Variants in FAM53B observed in about 807,000 individuals in gnomAD.
FAM53B encodes the protein family with sequence similarity 53 member B.
A neutral mutation model predicts 32.7 loss-of-function variants in FAM53B; 12 were observed. That is an observed-to-expected ratio of 0.37 (90% CI 0.24 to 0.59). FAM53B has a LOEUF of 0.59. Among genes scored for constraint, FAM53B ranks in the 20% least tolerant of loss-of-function variants. The pLI is 0.72. For missense variants in FAM53B, 477 were observed against 577.7 expected, an observed-to-expected ratio of 0.83 and a Z score of 1.79; for synonymous variants, 234 against 228.7, an observed-to-expected ratio of 1.02 and a Z score of -0.21.
At chr10:124,640,702 G>C (rs1055433092) in intron 4 of FAM53B, among the ~76,000 whole-genome samples, 4 of 152,218 alleles carry the variant, frequency 2.6e-5, no homozygotes, top group African/African-American at 9.6e-5. Flanking sequence ...TCAACCTTGG[G>C]AGGGGGCGCT....
chr10:124,668,221 T>G (rs1296735964), intron 4 of FAM53B, among the ~76,000 whole-genome samples: 1 of 152,280 alleles, frequency 6.6e-6, no homozygotes, highest in African/African-American at 2.4e-5. Flanking sequence ...CAGTTAATGC[T>G]GCATAATCAG....
At chr10:124,709,774 A>G (rs907331347) in intron 1 of FAM53B, among the ~76,000 whole-genome samples, 10 of 152,096 alleles carry the variant, frequency 6.6e-5, no homozygotes, top group Admixed American at 5.2e-4. Context: ...GAAATCCTAT[A>G]AAGTGACAAA....
intron 4 of FAM53B, among the ~76,000 whole-genome samples, chr10:124,675,547 C>G (rs1949731711): frequency 1.3e-5 from 2 of 152,250 alleles, no homozygotes; most frequent in Non-Finnish European, 2.9e-5. Context: ...ATGATTCCTC[C>G]CACACTCATG....
intron 4 of FAM53B, among the ~76,000 whole-genome samples, chr10:124,655,969 C>G (rs1949586899): frequency 6.6e-6 from 1 of 152,244 alleles, no homozygotes. Flanking sequence ...AGGTACGTAC[C>G]AAACAGAACT....
intron 4 of FAM53B, among the ~76,000 whole-genome samples, chr10:124,674,270 C>T (rs1420498169): frequency 1.3e-5 from 2 of 152,188 alleles, no homozygotes; most frequent in Non-Finnish European, 2.9e-5. Flanking sequence ...GGATGAGCAG[C>T]AGGCCCCTCC....
At chr10:124,689,768 A>G (rs1564878609) in intron 3 of FAM53B, among the ~76,000 whole-genome samples, 1 of 152,256 alleles carries the variant, frequency 6.6e-6, no homozygotes, top group Non-Finnish European at 1.5e-5. Context: ...CTTTGCTCTT[A>G]CAAAAAGATG....
At chr10:124,657,837 A>T (rs538738169) in intron 4 of FAM53B, among the ~76,000 whole-genome samples, 21 of 152,324 alleles carry the variant, frequency 1.4e-4, no homozygotes, top group Admixed American at 3.3e-4. Context: ...AGAGAAATCC[A>T]ATGACTTGCT....
intron 4 of FAM53B, among the ~76,000 whole-genome samples, chr10:124,674,162 C>T (rs1255060092): frequency 2.0e-5 from 3 of 152,352 alleles, no homozygotes; most frequent in African/African-American, 7.2e-5. Context: ...AACTCAGCTG[C>T]GCCCTCAGGT....
intron 4 of FAM53B, among the ~76,000 whole-genome samples, chr10:124,679,895 A>G (rs1589748443): frequency 6.6e-6 from 1 of 152,394 alleles, no homozygotes; most frequent in East Asian, 1.9e-4. Flanking sequence ...AACTGTGGCT[A>G]GTAAAATATA....
chr10:124,683,356 T>C (rs1949784517), intron 3 of FAM53B, among the ~76,000 whole-genome samples: 1 of 152,240 alleles, frequency 6.6e-6, no homozygotes, highest in Admixed American at 6.5e-5. Context: ...TATGCCATGA[T>C]ATCAGGGAAC....
At chr10:124,656,910 G>A (rs1377289929) in intron 4 of FAM53B, among the ~76,000 whole-genome samples, 2 of 151,456 alleles carry the variant, frequency 1.3e-5, no homozygotes, top group African/African-American at 4.9e-5. Flanking sequence ...GAGAGGGGAG[G>A]GATAGCATTA....
chr10:124,623,310 C>A lies in FAM53B; in HGVS notation c.1201G>T (p.Gly401Trp). The A allele has an allele frequency of 6.2e-7, 1 of 1,612,394 alleles. No individual in the cohort carries two copies. Among genetic ancestry groups the A allele is most frequent in the East Asian group, 2.2e-5 (1 of 44,878 alleles). Reference sequence around the variant, plus strand: ...GAGCAGAGGCTGTTCCCAGGGGCCCCGCGGTCCCGCCAGGCTGCAGCCGGC... The same window carrying A: ...GAGCAGAGGCTGTTCCCAGGGGCCCAGCGGTCCCGCCAGGCTGCAGCCGGC... ...AEPAAAWRDR[G>W]APGNSLCSLD... The change falls in exon 5 of 5, where the codon GGG becomes TGG. Residue 401 changes from glycine to tryptophan, a missense_variant. This residue lies in a region of FAM53B where 165 missense variants were observed against 157.5 expected (regional missense o/e 1.05). Transcript: ENST00000337318.
chr10:124,736,462 T>C (rs915625576), intron 1 of FAM53B, among the ~76,000 whole-genome samples: 2 of 152,234 alleles, frequency 1.3e-5, no homozygotes, highest in East Asian at 1.9e-4. Flanking sequence ...ACCCAGATCA[T>C]GGAGACACCC....
chr10:124,697,537 C>A (rs1441478577), intron 2 of FAM53B, among the ~76,000 whole-genome samples: 1 of 152,134 alleles, frequency 6.6e-6, no homozygotes. Context: ...GTTCATCCCA[C>A]GGGGTTACTA....
chr10:124,726,266 G>T (rs1950102570), intron 1 of FAM53B, among the ~76,000 whole-genome samples: 1 of 152,186 alleles, frequency 6.6e-6, no homozygotes, highest in African/African-American at 2.4e-5. Context: ...GTCAGAATTG[G>T]ATGGGTGGCC....
intron 4 of FAM53B, among the ~76,000 whole-genome samples, chr10:124,626,340 G>A (rs915358181): frequency 4.0e-5 from 6 of 148,756 alleles, no homozygotes; most frequent in African/African-American, 1.5e-4. Context: ...TGGCCACCAT[G>A]ATTGTGTGGG....
At chr10:124,650,815 T>C (rs1339830944) in intron 4 of FAM53B, among the ~76,000 whole-genome samples, 1 of 152,182 alleles carries the variant, frequency 6.6e-6, no homozygotes, top group African/African-American at 2.4e-5. Context: ...CCATCAGCCA[T>C]TTGTTTCGAG....
At chr10:124,671,580 G>A (rs1439609087) in intron 4 of FAM53B, among the ~76,000 whole-genome samples, 2 of 152,228 alleles carry the variant, frequency 1.3e-5, no homozygotes, top group Non-Finnish European at 2.9e-5. Context: ...CAGGGAAACA[G>A]CGGGGGCCTC....
chr10:124,698,724 G>A (rs771999392), intron 2 of FAM53B, among the ~76,000 whole-genome samples: 12 of 151,650 alleles, frequency 7.9e-5, no homozygotes, highest in East Asian at 3.9e-4. Flanking sequence ...CCCAGTGAAC[G>A]CCCCTCCTAA....
Sources: allele counts gnomAD v4.1 joint callset (sites outside exome capture counted in the v4.1 genomes callset), GRCh38; gene constraint gnomAD v4.1.1; regional missense constraint gnomAD v4.1.1; transcripts MANE v1.5; gene names NCBI Gene and HGNC (gene_info 2026-07-23, HGNC 2026-07-21).